DNM2: variants seen among roughly 807,000 people sequenced by gnomAD.
DNM2 encodes dynamin-2.
In DNM2, 15 loss-of-function variants were observed where a neutral mutation model predicts 99.0. The observed-to-expected ratio is 0.15, with a 90% CI of 0.10 to 0.23. DNM2 has a LOEUF of 0.23. Among genes scored for constraint, DNM2 ranks in the 10% least tolerant of loss-of-function variants. The pLI, the probability that DNM2 is intolerant of heterozygous loss-of-function variation, is 1.00. For synonymous variants in DNM2, 525 were observed against 481.2 expected, an observed-to-expected ratio of 1.09 and a Z score of -1.19; for missense variants, 742 against 1,189.4, an observed-to-expected ratio of 0.62 and a Z score of 5.53.
chr19:10,805,067 C>T (rs533978732), intron 12 of DNM2, among the ~76,000 whole-genome samples: 1 of 152,246 alleles, frequency 6.6e-6, no homozygotes, highest in African/African-American at 2.4e-5. Context: ...TAGGTGTCCA[C>T]ATATAAAATA....
At chr19:10,803,673 G>T (rs2072236106) in intron 12 of DNM2, 1 of 986,344 alleles carries the variant, frequency 1.0e-6, no homozygotes. Flanking sequence ...GACCTGGTGG[G>T]TATTGCCTGC....
intron 15 of DNM2, among the ~76,000 whole-genome samples, chr19:10,814,921 G>A (rs574279476): frequency 1.4e-4 from 21 of 152,302 alleles, no homozygotes; most frequent in African/African-American, 4.8e-4. Flanking sequence ...ACTCTGATGC[G>A]GTCCAGGTTG....
At chr19:10,805,780 G>T (rs2072311504) in intron 12 of DNM2, 136 bp from the exon 13 acceptor site, 2 of 1,035,414 alleles carry the variant, frequency 1.9e-6, no homozygotes, top group South Asian at 2.6e-5. Context: ...AGCTCTGTGT[G>T]TGCAGGGGGC....
At chr19:10,810,597 C>T (rs190688418) in intron 14 of DNM2, 3 of 152,520 alleles carry the variant, frequency 2.0e-5, no homozygotes, top group Admixed American at 2.0e-4. Flanking sequence ...CCAGCTCTGA[C>T]CAACACTAAC....
intron 18 of DNM2, chr19:10,828,830 C>A: frequency 1.7e-6 from 1 of 586,456 alleles, no homozygotes; most frequent in Non-Finnish European, 3.1e-6. Context: ...GAGGCTGAGG[C>A]AGGATAATTA....
intron 13 of DNM2, among the ~76,000 whole-genome samples, chr19:10,806,830 T>C (rs1705493870): frequency 6.6e-6 from 1 of 152,002 alleles, no homozygotes; most frequent in African/African-American, 2.4e-5. Flanking sequence ...TAAGAATTTT[T>C]CCCTTGAGCG....
rs139364050 is a variant in DNM2, at chr19:10,795,184, G to T, written c.1129-188G>T. ...CATCTGCCTGCCTTGGCCTCCCAAAGTGCTGAGATTACAGGTGTGAGCCAC... is the reference window on the plus strand; with the variant it reads ...CATCTGCCTGCCTTGGCCTCCCAAATTGCTGAGATTACAGGTGTGAGCCAC... On this transcript the variant is annotated intron_variant, in intron 8 of 20. Transcript: ENST00000389253. The surrounding 1 kb of genome is among the most constrained non-coding windows in gnomAD (Gnocchi z 4.2). Among the ~76,000 whole-genome samples the T allele has an allele frequency of 2.0e-5, 3 of 152,338 alleles. No individual in the cohort carries two copies. The highest frequency in any genetic ancestry group is 4.4e-5 in the Non-Finnish European group (3 of 68,038).
At position 10,718,600 on chromosome 19, in the gene DNM2, C is replaced by T. The variant is rs1294148106; in HGVS notation, c.161+197C>T. 6.1e-6 allele frequency: 5 copies of T among 819,754 alleles called. No individual in the cohort carries two copies. In the South Asian group the frequency reaches 1.7e-4, roughly 28 times the overall value. 50.8% of individuals were successfully genotyped at this position (819,754 alleles called of 1,614,324 possible). A position where few individuals can be genotyped will look rare whatever the true frequency, so the allele number is the denominator to read the frequency against. On this transcript the variant is annotated intron_variant, in intron 1 of 20. Coordinates refer to ENST00000389253, the MANE Select transcript of DNM2 (RefSeq NM_001005361.3). ...CCCTGCAGGGGCTCCGGAGCAGGCC[C>T]GGGCCCCAGGGGCGGTGTCACGGGC...
chr19:10,761,091 C>T lies in DNM2; in HGVS notation c.235+1280C>T, dbSNP rs990524507. Among the ~76,000 whole-genome samples the T allele has an allele frequency of 7.2e-5, 11 of 152,020 alleles. No individual in the cohort carries two copies. In the South Asian group the frequency reaches 1.5e-3, roughly 20 times the overall value. ...GCAACATCCGCCTCCTGGGTTCAAG[C>T]GATTCTCCTTCCTCAGCCTCCTGAG... On this transcript the variant is annotated intron_variant, in intron 2 of 20. Coordinates refer to ENST00000389253, the MANE Select transcript of DNM2 (RefSeq NM_001005361.3).
intron 18 of DNM2, 164 bp from the exon 19 acceptor site, chr19:10,828,872 C>A: frequency 1.4e-6 from 1 of 698,628 alleles, no homozygotes; most frequent in Non-Finnish European, 2.4e-6. Context: ...TTGCAGTGAG[C>A]TGAAATTGAG....
intron 6 of DNM2, among the ~76,000 whole-genome samples, chr19:10,785,255 C>T (rs1001066435): frequency 9.9e-5 from 15 of 151,854 alleles, no homozygotes; most frequent in Non-Finnish European, 1.9e-4. Flanking sequence ...GTAGCTGGGA[C>T]TATAGGCACC....
In DNM2 at chr19:10,764,341, C is replaced by T. The variant is rs1170174156; in HGVS notation, c.235+4530C>T. The stretch of plus-strand genomic sequence containing the variant: ...TGGGGTCTGATGTCCAAAGACAGGG[C>T]CCCCAGGGCGCAGCCCACGTTCCCC... On this transcript the variant is annotated intron_variant, in intron 2 of 20. Transcript: ENST00000389253. This position sits in a 1 kb window ranked among gnomAD's most constrained non-coding sequence, Gnocchi z 4.1. Among the ~76,000 whole-genome samples, 3 of 152,216 alleles carry T rather than the reference C, an allele frequency of 2.0e-5. No individual in the cohort carries two copies. The highest frequency in any genetic ancestry group is 7.2e-5 in the African/African-American group (3 of 41,452).
intron 1 of DNM2, among the ~76,000 whole-genome samples, chr19:10,733,740 C>G (rs937058962): frequency 4.6e-5 from 7 of 152,018 alleles, no homozygotes; most frequent in African/African-American, 1.7e-4. Context: ...GACATGGTGG[C>G]TCACGCCTGT....
Position 10,829,079 on chromosome 19 carries a change from C to T in DNM2, c.2102C>T (p.Ser701Phe), listed in dbSNP as rs536958788. The T allele has an allele frequency of 6.2e-7, 1 of 1,613,916 alleles. No homozygotes were observed. Among genetic ancestry groups the T allele is most frequent in the East Asian group, 2.2e-5 (1 of 44,866 alleles). Reference protein sequence around the residue: ...IHHELLAYLYSSADQSSLMEE... With the variant: ...IHHELLAYLYFSADQSSLMEE... ...CACGAGCTGCTGGCCTACCTATACT[C>T]CTCGGCAGACCAGAGCAGCCTCATG... Residue 701 changes from serine to phenylalanine, a missense_variant, in exon 19 of 21, where the codon TCC becomes TTC. Physicochemically the swap from Ser to Phe is radical, Grantham distance 155 (BLOSUM62 -2). Coordinates refer to ENST00000389253, the MANE Select transcript of DNM2 (RefSeq NM_001005361.3).
At chr19:10,802,872 C>T (rs1207442147) in intron 12 of DNM2, among the ~76,000 whole-genome samples, 1 of 152,234 alleles carries the variant, frequency 6.6e-6, no homozygotes, top group African/African-American at 2.4e-5. Flanking sequence ...GCCCTGATTT[C>T]AGCAGGATGT....
chr19:10,818,745 T>C lies in DNM2; in HGVS notation c.1672-1235T>C, dbSNP rs1021276011. On this transcript the variant is annotated intron_variant, in intron 15 of 20. Transcript: ENST00000389253. The surrounding 1 kb of genome is among the most constrained non-coding windows in gnomAD (Gnocchi z 4.3). ...GCGCAGTGAGGGGACATGAGAGGAGTTTCCAGAGACGGCCCAGGGAGAAGA... is the reference window on the plus strand; with the variant it reads ...GCGCAGTGAGGGGACATGAGAGGAGCTTCCAGAGACGGCCCAGGGAGAAGA... Among the ~76,000 whole-genome samples the C allele has an allele frequency of 1.3e-5, 2 of 151,720 alleles. No individual in the cohort carries two copies. Among genetic ancestry groups the C allele is most frequent in the African/African-American group, 2.4e-5 (1 of 41,248 alleles).
In DNM2 at chr19:10,831,317, A is replaced by T; in HGVS notation, c.*270A>T. 1 of 1,248,154 alleles carries T rather than the reference A, an allele frequency of 8.0e-7. No homozygotes were observed. The highest frequency in any genetic ancestry group is 3.6e-5 in the East Asian group (1 of 27,880). 77.3% of individuals were successfully genotyped at this position (1,248,154 alleles called of 1,614,324 possible). ...CTCAGGGTGGCAGAGGGGGGACCAG[A>T]ACCCTTGACACCATCCTGAATGAGG... On this transcript the variant is annotated 3_prime_UTR_variant, in exon 21 of 21. Transcript: ENST00000389253. The surrounding 1 kb of genome is among the most constrained non-coding windows in gnomAD (Gnocchi z 4.3).
intron 1 of DNM2, among the ~76,000 whole-genome samples, chr19:10,732,319 C>T (rs561606988): frequency 7.6e-6 from 1 of 131,140 alleles, no homozygotes; most frequent in African/African-American, 2.7e-5. Context: ...AAAAAAAAAA[C>T]AGGCCGGGCG....
chr19:10,752,067 G>A (rs2070216247), intron 1 of DNM2, among the ~76,000 whole-genome samples: 1 of 152,166 alleles, frequency 6.6e-6, no homozygotes, highest in South Asian at 2.1e-4. Context: ...TGTAGATAAG[G>A]TGGGCACGTA....
Sources: allele counts gnomAD v4.1 joint callset (sites outside exome capture counted in the v4.1 genomes callset), GRCh38; gene constraint gnomAD v4.1.1; non-coding constraint Gnocchi (gnomAD v3.1); transcripts MANE v1.5; gene names NCBI Gene and HGNC (gene_info 2026-07-23, HGNC 2026-07-21).